The following GRIN2A variants were observed in gnomAD, a reference collection of about 807,000 sequenced individuals.
GRIN2A encodes the protein glutamate ionotropic receptor NMDA type subunit 2A.
Under a neutral mutation model 113.4 loss-of-function variants are expected in GRIN2A, and 22 were observed. The observed-to-expected ratio is 0.19, with a 90% CI of 0.14 to 0.28. GRIN2A has a LOEUF of 0.28. Ranked by LOEUF, GRIN2A falls within the 10% of genes least tolerant of loss-of-function variation. The pLI, the probability that GRIN2A is intolerant of heterozygous loss-of-function variation, is 1.00. For missense variants in GRIN2A, 1,502 were observed against 1,887.0 expected, an observed-to-expected ratio of 0.80 and a Z score of 3.78; for synonymous variants, 827 against 738.4, an observed-to-expected ratio of 1.12 and a Z score of -1.94.
intron 2 of GRIN2A, among the ~76,000 whole-genome samples, chr16:10,001,904 C>G (rs1160945364): frequency 2.0e-5 from 3 of 152,178 alleles, no homozygotes; most frequent in Admixed American, 1.3e-4. Flanking sequence ...TTTCAGTTTA[C>G]TCATTGATAA....
At chr16:9,992,074 A>G (rs1265867080) in intron 2 of GRIN2A, among the ~76,000 whole-genome samples, 1 of 152,216 alleles carries the variant, frequency 6.6e-6, no homozygotes, top group Non-Finnish European at 1.5e-5. Context: ...TAATAATTAA[A>G]AACAAAAAAG....
intron 3 of GRIN2A, among the ~76,000 whole-genome samples, chr16:9,900,680 T>C (rs555906510): frequency 6.6e-6 from 1 of 152,326 alleles, no homozygotes; most frequent in East Asian, 1.9e-4. Context: ...ATAAAGTGGT[T>C]CTTCGAATCT....
At chr16:10,125,996 C>CTCCT (rs983481245) in intron 2 of GRIN2A, among the ~76,000 whole-genome samples, 1 of 152,118 alleles carries the variant, frequency 6.6e-6, no homozygotes, top group African/African-American at 2.4e-5. Flanking sequence ...GAGCCCCAGA[C>CTCCT]TCCTTCCTGA....
In GRIN2A at chr16:9,764,018, C is replaced by T. The variant is rs1555482388; in HGVS notation, c.3526G>A (p.Glu1176Lys). 2 of 1,614,116 alleles carry T rather than the reference C, an allele frequency of 1.2e-6. No individual in the cohort carries two copies. Reference protein sequence around the residue: ...PMNRNPLHNEEGLSNNDQYKL... With the variant: ...PMNRNPLHNEKGLSNNDQYKL... ...TACTGGTCGTTGTTGGAAAGCCCCT[C>T]TTCATTATGCAAGGGGTTCCGGTTC... Residue 1176 changes from glutamate (E) to lysine (K), a missense_variant, in exon 13 of 13, where the codon GAG (glutamate) becomes AAG (lysine). Transcript: ENST00000330684.
At chr16:10,123,112 G>A (rs2048865669) in intron 2 of GRIN2A, among the ~76,000 whole-genome samples, 1 of 152,194 alleles carries the variant, frequency 6.6e-6, no homozygotes, top group African/African-American at 2.4e-5. Flanking sequence ...AGCACAGGGA[G>A]ATGGGGCCGA....
In GRIN2A at chr16:9,990,546, C is replaced by A. The variant is rs891001023; in HGVS notation, c.415-51995G>T. ...CACCCCCTGAATCTCTCTCTCTACA[C>A]GCGCGCGCGCGCGCGCGCACACACA... On this transcript the variant is annotated intron_variant, in intron 2 of 12. Coordinates refer to ENST00000330684, the MANE Select transcript of GRIN2A (RefSeq NM_001134407.3). Among the ~76,000 whole-genome samples the A allele has an allele frequency of 7.0e-5, 8 of 113,476 alleles. No homozygotes were observed. The Admixed American group carries it at 7.1e-4, about 10-fold the overall frequency. 74.4% of individuals were successfully genotyped at this position (113,476 alleles called of 152,430 possible).
At chr16:10,042,455 A>G (rs1455994197) in intron 2 of GRIN2A, among the ~76,000 whole-genome samples, 1 of 152,156 alleles carries the variant, frequency 6.6e-6, no homozygotes, top group Non-Finnish European at 1.5e-5. Context: ...CATCCATGCC[A>G]GCCAGTCCTC....
At chr16:10,068,800 G>C (rs2047696562) in intron 2 of GRIN2A, among the ~76,000 whole-genome samples, 1 of 152,230 alleles carries the variant, frequency 6.6e-6, no homozygotes, top group Admixed American at 6.5e-5. Flanking sequence ...GGTGATCAGG[G>C]AATCTGTCTC....
chr16:10,044,005 G>GTATACATA (rs749614491), intron 2 of GRIN2A, among the ~76,000 whole-genome samples: 2 of 100,296 alleles, frequency 2.0e-5, no homozygotes, highest in African/African-American at 7.9e-5. Flanking sequence ...GTGTGTGTGT[G>GTATACATA]TGTATATATA....
At chr16:10,177,114 G>A (rs542074231) in intron 2 of GRIN2A, among the ~76,000 whole-genome samples, 24 of 152,256 alleles carry the variant, frequency 1.6e-4, no homozygotes, top group Non-Finnish European at 2.9e-4. Context: ...ACAATGCACC[G>A]TGACTGTTTC....
At chr16:9,975,359 A>G (rs893889626) in intron 2 of GRIN2A, among the ~76,000 whole-genome samples, 15 of 152,198 alleles carry the variant, frequency 9.9e-5, no homozygotes, top group African/African-American at 3.6e-4. Context: ...AAGTCCCCTG[A>G]AAAACAGAGA....
intron 5 of GRIN2A, among the ~76,000 whole-genome samples, chr16:9,849,162 A>G (rs967282234): frequency 3.0e-5 from 4 of 135,182 alleles, no homozygotes; most frequent in African/African-American, 1.1e-4. Flanking sequence ...ATTTAAATAT[A>G]TAAAATATAC....
chr16:9,865,359 G>C (rs2043144982), intron 4 of GRIN2A, among the ~76,000 whole-genome samples: 1 of 152,094 alleles, frequency 6.6e-6, no homozygotes, highest in Non-Finnish European at 1.5e-5. Context: ...CAATTTGAGA[G>C]CCCTATGGAG....
chr16:9,978,255 G>A (rs755774529), intron 2 of GRIN2A, among the ~76,000 whole-genome samples: 31 of 152,150 alleles, frequency 2.0e-4, no homozygotes, highest in Non-Finnish European at 4.4e-4. Flanking sequence ...AAGTATCCAC[G>A]GAGAAGCTAT....
chr16:10,151,066 T>A (rs1247799686), intron 2 of GRIN2A, among the ~76,000 whole-genome samples: 1 of 152,190 alleles, frequency 6.6e-6, no homozygotes, highest in Non-Finnish European at 1.5e-5. Context: ...AACAGGCATG[T>A]GTTAATTTCT....
chr16:9,886,038 T>A (rs1184094461), intron 4 of GRIN2A, among the ~76,000 whole-genome samples: 1 of 152,250 alleles, frequency 6.6e-6, no homozygotes, highest in African/African-American at 2.4e-5. Flanking sequence ...AGTGGCCTCC[T>A]TGTGTACCAG....
intron 11 of GRIN2A, among the ~76,000 whole-genome samples, chr16:9,783,886 C>T (rs1189122356): frequency 1.3e-5 from 2 of 152,080 alleles, no homozygotes; most frequent in African/African-American, 4.8e-5. Context: ...ACCAAATACC[C>T]CATGTTCTCA....
chr16:9,858,362 G>A (rs900304829), intron 4 of GRIN2A, among the ~76,000 whole-genome samples: 7 of 152,174 alleles, frequency 4.6e-5, no homozygotes, highest in African/African-American at 1.7e-4. Context: ...GGAAGAGGAA[G>A]TTAGGGAAAT....
At chr16:10,062,724 G>T (rs191112819) in intron 2 of GRIN2A, among the ~76,000 whole-genome samples, 1 of 152,076 alleles carries the variant, frequency 6.6e-6, no homozygotes, top group African/African-American at 2.4e-5. Context: ...AATTAGTTGC[G>T]TGTGATGGCA....
Sources: allele counts gnomAD v4.1 joint callset (sites outside exome capture counted in the v4.1 genomes callset), GRCh38; gene constraint gnomAD v4.1.1; transcripts MANE v1.5; gene names NCBI Gene and HGNC (gene_info 2026-07-23, HGNC 2026-07-21).